Variants in RBFOX3 observed in about 807,000 individuals in gnomAD.
RBFOX3 encodes the protein RNA binding protein fox-1 homolog 3.
In RBFOX3, 17 loss-of-function variants were observed where a neutral mutation model predicts 48.7. That is an observed-to-expected ratio of 0.35 (90% CI 0.24 to 0.52). RBFOX3 has a LOEUF of 0.52. RBFOX3 is among the 20% of genes least tolerant of loss of function. RBFOX3 has a pLI of 0.94. For synonymous variants in RBFOX3, 212 were observed against 209.5 expected (o/e 1.01, Z -0.10); for missense variants, 382 against 497.5 (o/e 0.77, Z 2.21).
chr17:79,626,779 C>A, the RBFOX3 span, among the ~76,000 whole-genome samples: 2 of 152,214 alleles, frequency 1.3e-5, no homozygotes, highest in Non-Finnish European at 2.9e-5. Flanking sequence ...TGGGCCGACA[C>A]CCTTAGGATG....
In RBFOX3 at chr17:79,390,537, G is replaced by T. The variant is rs1393362096; in HGVS notation, c.-174-82713C>A. 3.3e-5 allele frequency among the ~76,000 whole-genome samples: 5 copies of T among 151,406 alleles called. No individual in the cohort carries two copies. Among genetic ancestry groups the T allele is most frequent in the Non-Finnish European group, 7.4e-5 (5 of 67,966 alleles). ...TTGTCGCCCAGGCTGGAGTGCAGTG[G>T]CACAATCTCGGCTCACTACAACGTC... On this transcript the variant is annotated intron_variant, in intron 2 of 14. Transcript: ENST00000693108. The surrounding 1 kb of genome is among the most constrained non-coding windows in gnomAD (Gnocchi z 4.2).
intron 9 of RBFOX3, among the ~76,000 whole-genome samples, chr17:79,101,204 C>T (rs1475331216): frequency 6.6e-6 from 1 of 152,200 alleles, no homozygotes; most frequent in East Asian, 1.9e-4. Context: ...GGAATCGGTG[C>T]AGCAGGTCTC....
chr17:79,431,677 G>T (rs1307960960), intron 2 of RBFOX3, among the ~76,000 whole-genome samples: 2 of 152,094 alleles, frequency 1.3e-5, no homozygotes, highest in African/African-American at 4.8e-5. Context: ...TAGAGACAGG[G>T]TTTCACCATG....
intron 3 of RBFOX3, among the ~76,000 whole-genome samples, chr17:79,282,702 C>G (rs1462930398): frequency 6.6e-6 from 1 of 152,258 alleles, no homozygotes; most frequent in Non-Finnish European, 1.5e-5. Context: ...CCGCCTGGAC[C>G]CCAGGCAGCT....
At chr17:79,568,557 T>G (rs1350778097) in intron 1 of RBFOX3, among the ~76,000 whole-genome samples, 3 of 152,208 alleles carry the variant, frequency 2.0e-5, no homozygotes, top group Admixed American at 2.0e-4. Flanking sequence ...CTGGTTCCCC[T>G]GACTCCCACC....
chr17:79,356,856 G>A (rs894116212), intron 2 of RBFOX3, among the ~76,000 whole-genome samples: 6 of 152,262 alleles, frequency 3.9e-5, no homozygotes, highest in Admixed American at 2.0e-4. Flanking sequence ...AAGTGCAGCC[G>A]GGCCTGCCTG....
intron 3 of RBFOX3, among the ~76,000 whole-genome samples, chr17:79,288,605 C>T (rs549674946): frequency 7.2e-5 from 11 of 152,114 alleles, no homozygotes; most frequent in Admixed American, 1.3e-4. Flanking sequence ...CATGATCCCT[C>T]GCCCGTCATC....
intron 1 of RBFOX3, among the ~76,000 whole-genome samples, chr17:79,560,535 C>T (rs1338117251): frequency 6.6e-6 from 1 of 152,158 alleles, no homozygotes; most frequent in Non-Finnish European, 1.5e-5. Context: ...TGAGCAGCTA[C>T]TGCCCACCCG....
At chr17:79,132,672 C>A (rs72855043) in intron 4 of RBFOX3, 2,207 of 152,348 alleles carry the variant, frequency 0.014, 30 homozygotes, top group Non-Finnish European at 0.021. Context: ...CCGCCTGACT[C>A]GCCCTTGAGC....
rs563882740 is a variant in RBFOX3 at position 79,384,035 on chromosome 17, T to C, written c.-174-76211A>G. On this transcript the variant is annotated intron_variant, in intron 2 of 14. Transcript: ENST00000693108. ...CAGGCTTTCAAAGGTCAGACTGGAC[T>C]CTGGAGGCAAAGCGGGACTCGTGTG... 1.3e-3 allele frequency among the ~76,000 whole-genome samples: 203 copies of C among 152,280 alleles called. 3 individuals carry two copies. The highest frequency in any genetic ancestry group is 4.5e-3 in the African/African-American group (189 of 41,548).
chr17:79,182,850 G>C (rs867686865), intron 4 of RBFOX3, among the ~76,000 whole-genome samples: 3 of 149,060 alleles, frequency 2.0e-5, no homozygotes, highest in African/African-American at 5.0e-5. Context: ...CGCGCCCCCC[G>C]GCTTTCCCGA....
At chr17:79,152,891 G>A (rs982175794) in intron 4 of RBFOX3, among the ~76,000 whole-genome samples, 10 of 152,220 alleles carry the variant, frequency 6.6e-5, no homozygotes, top group African/African-American at 2.2e-4. Context: ...GCTTTCTTGC[G>A]GGTGTTTACA....
chr17:79,395,774 C>A (rs1328815365), intron 2 of RBFOX3, among the ~76,000 whole-genome samples: 1 of 152,204 alleles, frequency 6.6e-6, no homozygotes, highest in Admixed American at 6.5e-5. Context: ...CGTGACGTGA[C>A]CAGGAGCCCA....
Position 79,103,279 on chromosome 17 carries a change from C to T in RBFOX3, c.415-25G>A, listed in dbSNP as rs1487783277. 7 of 1,510,778 alleles carry T rather than the reference C, an allele frequency of 4.6e-6. No individual in the cohort carries two copies. The East Asian group carries it at 1.2e-4, about 27-fold the overall frequency. 93.6% of individuals were successfully genotyped at this position (1,510,778 alleles called of 1,614,324 possible). A position where few individuals can be genotyped will look rare whatever the true frequency, so the allele number is the denominator to read the frequency against. ...CCTGTGAGCAGAGGAGAGGGAAGGA[C>T]AGGCACGGAGAGGAGGACACAGGGC... On this transcript the variant is annotated intron_variant, in intron 7 of 14. Coordinates refer to ENST00000693108, the MANE Select transcript of RBFOX3 (RefSeq NM_001350451.2). This position sits in a 1 kb window ranked among gnomAD's most constrained non-coding sequence, Gnocchi z 6.1.
chr17:79,392,398 ACT>A lies in RBFOX3; in HGVS notation c.-174-84576_-174-84575del, dbSNP rs2061475343. On this transcript the variant is annotated intron_variant, in intron 2 of 14. Coordinates refer to ENST00000693108, the MANE Select transcript of RBFOX3 (RefSeq NM_001350451.2). This position sits in a 1 kb window ranked among gnomAD's most constrained non-coding sequence, Gnocchi z 5.0. ...TGGAGTTGTGAAGATTCATAAGCTA[ACT>A]CTCACACGGTAGTGAGCGCAGGGCC... Among the ~76,000 whole-genome samples, 1 of 151,786 alleles carries A rather than the reference ACT, an allele frequency of 6.6e-6. No homozygotes were observed. Among genetic ancestry groups the A allele is most frequent in the African/African-American group, 2.4e-5 (1 of 41,298 alleles).
chr17:79,148,075 G>T (rs373300571), intron 4 of RBFOX3, among the ~76,000 whole-genome samples: 2 of 152,198 alleles, frequency 1.3e-5, no homozygotes, highest in African/African-American at 2.4e-5. Flanking sequence ...TTTCCTCACC[G>T]TGGGACCCCA....
At position 79,214,280 on chromosome 17, in the gene RBFOX3, A is replaced by G. The variant is rs1366064388; in HGVS notation, c.-34+21486T>C. ...AAGTGGCTGTGTGTTGGTTGCCGGC[A>G]TGAAAAAACACTTTGCTTAATGATT... On this transcript the variant is annotated intron_variant, in intron 4 of 14. Transcript: ENST00000693108. The surrounding 1 kb of genome is among the most constrained non-coding windows in gnomAD (Gnocchi z 4.7). Among the ~76,000 whole-genome samples, 1 of 152,178 alleles carries G rather than the reference A, an allele frequency of 6.6e-6. No homozygotes were observed. Among genetic ancestry groups the G allele is most frequent in the Non-Finnish European group, 1.5e-5 (1 of 68,022 alleles).
At chr17:79,367,430 C>T (rs2057941377) in intron 2 of RBFOX3, among the ~76,000 whole-genome samples, 1 of 151,750 alleles carries the variant, frequency 6.6e-6, no homozygotes, top group Admixed American at 6.6e-5. Flanking sequence ...CTGCTTGATC[C>T]TTCTTCAAAA....
rs2057179003 is a variant in RBFOX3, at chr17:79,362,844, CGCCCG to C, written c.-174-55025_-174-55021del. Among the ~76,000 whole-genome samples the C allele has an allele frequency of 6.6e-6, 1 of 152,176 alleles. No individual in the cohort carries two copies. Among genetic ancestry groups the C allele is most frequent in the South Asian group, 2.1e-4 (1 of 4,828 alleles). On this transcript the variant is annotated intron_variant, in intron 2 of 14. Coordinates refer to ENST00000693108, the MANE Select transcript of RBFOX3 (RefSeq NM_001350451.2). This position sits in a 1 kb window ranked among gnomAD's most constrained non-coding sequence, Gnocchi z 4.2. ...AGCGGGAACATCAGACAACCCTGAA[CGCCCG>C]GCTCTGTGTGCAGACCTCATTCTCG...
Sources: allele counts gnomAD v4.1 joint callset (sites outside exome capture counted in the v4.1 genomes callset), GRCh38; gene constraint gnomAD v4.1.1; non-coding constraint Gnocchi (gnomAD v3.1); transcripts MANE v1.5; gene names NCBI Gene and HGNC (gene_info 2026-07-23, HGNC 2026-07-21).